The following C12orf54 variants were observed in gnomAD, a reference collection of about 807,000 sequenced individuals.
The protein encoded by C12orf54 is chromosome 12 open reading frame 54.
Under a neutral mutation model 26.4 loss-of-function variants are expected in C12orf54, and 24 were observed. The observed-to-expected ratio is 0.91, with a 90% CI of 0.66 to 1.28. The LOEUF is 1.28. C12orf54 is among the 50% of genes most tolerant of loss of function. The probability of loss-of-function intolerance (pLI) is 0.00; values close to 1 mark genes in which losing one functional copy is unlikely to be tolerated. For synonymous variants in C12orf54, 54 were observed against 47.0 expected (o/e 1.15, Z -0.61); for missense variants, 154 against 150.9 (o/e 1.02, Z -0.11).
At chr12:48,454,340 C>G in the C12orf54 span, among the ~76,000 whole-genome samples, 1 of 152,112 alleles carries the variant, frequency 6.6e-6, no homozygotes. Context: ...ACGTCGTGAT[C>G]TGCCCACCTC....
the C12orf54 span, among the ~76,000 whole-genome samples, chr12:48,468,025 A>G: frequency 4.3e-4 from 66 of 152,234 alleles, no homozygotes; most frequent in South Asian, 0.012. Context: ...TTCTACATAC[A>G]TTTGAGTTCC....
chr12:48,461,609 A>AAACT, the C12orf54 span, among the ~76,000 whole-genome samples: 21,881 of 151,734 alleles, frequency 0.14, 2,762 homozygotes, highest in East Asian at 0.66. Flanking sequence ...CAAAATTTGG[A>AAACT]AACTAACGTA....
the C12orf54 span, among the ~76,000 whole-genome samples, chr12:48,423,856 G>T: frequency 6.6e-6 from 1 of 151,822 alleles, no homozygotes; most frequent in Non-Finnish European, 1.5e-5. Context: ...ATACTGGCCA[G>T]AACTACACTA....
chr12:48,422,694 A>G, the C12orf54 span, among the ~76,000 whole-genome samples: 1 of 152,226 alleles, frequency 6.6e-6, no homozygotes, highest in Non-Finnish European at 1.5e-5. Context: ...GTAAAACAAT[A>G]TATGAAGAGA....
chr12:48,434,221 G>A, the C12orf54 span, among the ~76,000 whole-genome samples: 10 of 152,342 alleles, frequency 6.6e-5, no homozygotes, highest in African/African-American at 1.7e-4. Context: ...GGGGAGGGGC[G>A]CCCGCCATTG....
the C12orf54 span, among the ~76,000 whole-genome samples, chr12:48,467,854 G>A: frequency 2.0e-5 from 3 of 152,116 alleles, no homozygotes; most frequent in African/African-American, 4.8e-5. Context: ...TTTTGTTGGG[G>A]GGCCATGTAA....
chr12:48,440,004 G>A, the C12orf54 span, among the ~76,000 whole-genome samples: 6 of 152,146 alleles, frequency 3.9e-5, no homozygotes, highest in African/African-American at 1.2e-4. Flanking sequence ...GTGCGTGGAT[G>A]GCCTGAGGTC....
chr12:48,421,920 A>T, the C12orf54 span, among the ~76,000 whole-genome samples: 3 of 152,226 alleles, frequency 2.0e-5, no homozygotes, highest in Non-Finnish European at 4.4e-5. Flanking sequence ...AGTAAATTGT[A>T]TATATTTGGT....
chr12:48,473,272 T>C, the C12orf54 span: 1 of 1,078,828 alleles, frequency 9.3e-7, no homozygotes, highest in Non-Finnish European at 1.4e-6. Flanking sequence ...GAGGAGGACG[T>C]GAGTGGAGAC....
chr12:48,426,071 A>G, the C12orf54 span, among the ~76,000 whole-genome samples: 1 of 152,052 alleles, frequency 6.6e-6, no homozygotes, highest in Non-Finnish European at 1.5e-5. Context: ...TTCGCCGTGC[A>G]GAAGTTCTCA....
At chr12:48,421,328 G>T in the C12orf54 span, among the ~76,000 whole-genome samples, 1 of 98,444 alleles carries the variant, frequency 1.0e-5, no homozygotes, top group East Asian at 3.3e-4. Flanking sequence ...GCAGGGAGGT[G>T]CCACACATTT....
At chr12:48,419,323 G>T in the C12orf54 span, among the ~76,000 whole-genome samples, 3 of 152,142 alleles carry the variant, frequency 2.0e-5, no homozygotes, top group African/African-American at 7.2e-5. Flanking sequence ...CTTTGGAAGG[G>T]TTTTAAGCCT....
At chr12:48,471,249 C>T in the C12orf54 span, among the ~76,000 whole-genome samples, 1 of 152,028 alleles carries the variant, frequency 6.6e-6, no homozygotes, top group African/African-American at 2.4e-5. Context: ...ACTCCAGTTC[C>T]ATTCATGTTG....
chr12:48,431,306 A>T, the C12orf54 span, among the ~76,000 whole-genome samples: 9 of 152,208 alleles, frequency 5.9e-5, no homozygotes, highest in Non-Finnish European at 1.0e-4. Context: ...AATAAAAAGT[A>T]AAAAAGAATG....
the C12orf54 span, among the ~76,000 whole-genome samples, chr12:48,436,971 GT>G: frequency 1.3e-5 from 2 of 152,070 alleles, no homozygotes; most frequent in Non-Finnish European, 2.9e-5. Flanking sequence ...CCAGGAGCTT[GT>G]TTTTTGAAAA....
At chr12:48,428,894 T>TG in the C12orf54 span, among the ~76,000 whole-genome samples, 2 of 152,134 alleles carry the variant, frequency 1.3e-5, no homozygotes, top group African/African-American at 4.8e-5. Context: ...ATATCCCTCA[T>TG]GAACGTAGAT....
chr12:48,427,040 C>A, the C12orf54 span, among the ~76,000 whole-genome samples: 3 of 152,148 alleles, frequency 2.0e-5, no homozygotes, highest in African/African-American at 7.2e-5. Context: ...GATAGTTTGA[C>A]TGCTTCTCTT....
the C12orf54 span, among the ~76,000 whole-genome samples, chr12:48,425,189 G>A: frequency 6.6e-6 from 1 of 151,928 alleles, no homozygotes; most frequent in Non-Finnish European, 1.5e-5. Flanking sequence ...CAGATAATAA[G>A]CCTAGTACCC....
At chr12:48,478,990 ATT>A (rs1954172137), upstream of C12orf54, among the ~76,000 whole-genome samples, 1 of 152,188 alleles carries the variant, frequency 6.6e-6, no homozygotes. Flanking sequence ...TAGAAATACC[ATT>A]TGACCCAGCC....
Sources: allele counts gnomAD v4.1 joint callset (sites outside exome capture counted in the v4.1 genomes callset), GRCh38; gene constraint gnomAD v4.1.1; transcripts MANE v1.5; gene names NCBI Gene and HGNC (gene_info 2026-07-23, HGNC 2026-07-21).